The following SLC9A9 variants were observed in gnomAD, a reference collection of about 807,000 sequenced individuals.
SLC9A9 encodes sodium/hydrogen exchanger 9.
In SLC9A9, 62 loss-of-function variants were observed where a neutral mutation model predicts 77.8. The observed-to-expected ratio is 0.80, with a 90% CI of 0.65 to 0.98. SLC9A9 has a LOEUF of 0.98. Among genes scored for constraint, SLC9A9 ranks in the 50% least tolerant of loss-of-function variants. The pLI is 0.00. For missense variants in SLC9A9, 775 were observed against 774.9 expected (o/e 1.00, Z 0.00); for synonymous variants, 320 against 283.5 (o/e 1.13, Z -1.29).
At chr3:143,801,867 G>A (rs531403714) in intron 2 of SLC9A9, among the ~76,000 whole-genome samples, 44 of 152,252 alleles carry the variant, frequency 2.9e-4, no homozygotes, top group Admixed American at 2.9e-3. Context: ...GCACCACCAT[G>A]CTGTTATATA....
chr3:143,517,786 G>A, intron 9 of SLC9A9: 1 of 1,598,938 alleles, frequency 6.3e-7, no homozygotes, highest in Non-Finnish European at 8.5e-7. Flanking sequence ...CATACAAAAT[G>A]GCCAAGCAAG....
intron 1 of SLC9A9, among the ~76,000 whole-genome samples, chr3:143,839,875 G>A (rs891848041): frequency 6.6e-6 from 1 of 152,148 alleles, no homozygotes; most frequent in Non-Finnish European, 1.5e-5. Flanking sequence ...TCTCGAACCA[G>A]AGATGGAGAC....
chr3:143,704,772 C>T (rs1474812424), intron 4 of SLC9A9, among the ~76,000 whole-genome samples: 1 of 152,044 alleles, frequency 6.6e-6, no homozygotes, highest in African/African-American at 2.4e-5. Flanking sequence ...GTGGGCAGAT[C>T]ACCTGAGGTT....
rs116442827 is a variant in SLC9A9, at chr3:143,832,641, T to C, written c.176-420A>G. The stretch of plus-strand genomic sequence containing the variant: ...CAGTTATCCCCATCAGACTTTATTA[T>C]GTCACACCCCATGGTTGGGGTGAGA... On this transcript the variant is annotated intron_variant, in intron 1 of 15. Transcript: ENST00000316549. 1.9e-3 allele frequency among the ~76,000 whole-genome samples: 291 copies of C among 152,204 alleles called. 1 individual carries two copies. Among genetic ancestry groups the C allele is most frequent in the African/African-American group, 6.7e-3 (279 of 41,530 alleles).
rs191059668 is a variant in SLC9A9, at chr3:143,418,793, G to C, written c.1470-36679C>G. On this transcript the variant is annotated intron_variant, in intron 12 of 15. Coordinates refer to ENST00000316549, the MANE Select transcript of SLC9A9 (RefSeq NM_173653.4). ...GAATTTAAAGTGAAAACAGAGGCTT[G>C]ATTGTGTGAATTTCTTCCAACATCC... Among the ~76,000 whole-genome samples, 96 of 152,288 alleles carry C rather than the reference G, an allele frequency of 6.3e-4. 1 individual carries two copies. Among genetic ancestry groups the C allele is most frequent in the African/African-American group, 2.1e-3 (89 of 41,570 alleles).
At chr3:143,355,694 G>A (rs753742517) in intron 14 of SLC9A9, among the ~76,000 whole-genome samples, 4 of 152,222 alleles carry the variant, frequency 2.6e-5, no homozygotes, top group Non-Finnish European at 5.9e-5. Context: ...TGACAGCTCT[G>A]TGGGAATTTC....
chr3:143,795,200 G>A (rs990920535), intron 3 of SLC9A9, 123 bp from the exon 4 acceptor site: 4 of 705,146 alleles, frequency 5.7e-6, no homozygotes, highest in Non-Finnish European at 9.5e-6. Context: ...TGGTTTTGGA[G>A]CCTCGTTCCT....
chr3:143,655,185 A>C (rs2038866735), intron 5 of SLC9A9, among the ~76,000 whole-genome samples: 1 of 152,208 alleles, frequency 6.6e-6, no homozygotes, highest in South Asian at 2.1e-4. Context: ...AACTCATTTA[A>C]TTAGCTCCCT....
chr3:143,795,612 A>C (rs907842505), intron 3 of SLC9A9, among the ~76,000 whole-genome samples: 3 of 152,182 alleles, frequency 2.0e-5, no homozygotes, highest in Non-Finnish European at 4.4e-5. Context: ...CACGCCTGTA[A>C]TTCCAGCAAT....
intron 4 of SLC9A9, among the ~76,000 whole-genome samples, chr3:143,717,402 G>T (rs1230808431): frequency 1.3e-5 from 2 of 152,192 alleles, no homozygotes; most frequent in Non-Finnish European, 2.9e-5. Flanking sequence ...GTTGAAAATT[G>T]GTTGTTGAGT....
At chr3:143,569,825 T>TG (rs1024334889) in intron 8 of SLC9A9, among the ~76,000 whole-genome samples, 3 of 151,090 alleles carry the variant, frequency 2.0e-5, no homozygotes, top group African/African-American at 7.3e-5. Context: ...TTTTTTTTTT[T>TG]TTTTTGGAGA....
chr3:143,846,123 A>G (rs543186923), intron 1 of SLC9A9, among the ~76,000 whole-genome samples: 1 of 152,364 alleles, frequency 6.6e-6, no homozygotes, highest in African/African-American at 2.4e-5. Context: ...AGTAAGAGTT[A>G]CTGTATGTAT....
In SLC9A9 at chr3:143,266,813, C is replaced by G; in HGVS notation, c.1827G>C (p.Gln609His). Reference protein sequence around the residue: ...CSPPARLGLDQKASPQTPGKE... With the variant: ...CSPPARLGLDHKASPQTPGKE... ...TGCCTGGCGTCTGGGGTGAAGCTTT[C>G]TGGTCCAGACCTAGCCTTGCAGGAG... Residue 609 changes from glutamine (Q) to histidine (H), a missense_variant, in exon 16 of 16, where the codon CAG (glutamine) becomes CAC (histidine). Gln to His is a conservative substitution (Grantham distance 24). Coordinates refer to ENST00000316549, the MANE Select transcript of SLC9A9 (RefSeq NM_173653.4). 2 of 1,614,158 alleles carry G rather than the reference C, an allele frequency of 1.2e-6. No homozygotes were observed. The highest frequency in any genetic ancestry group is 8.5e-7 in the Non-Finnish European group (1 of 1,180,024).
intron 14 of SLC9A9, among the ~76,000 whole-genome samples, chr3:143,279,545 T>C (rs959981794): frequency 1.3e-5 from 2 of 152,186 alleles, no homozygotes; most frequent in Non-Finnish European, 2.9e-5. Context: ...GTATTTCTCC[T>C]AATGCTATCC....
chr3:143,785,149 T>G (rs985344820), intron 4 of SLC9A9, among the ~76,000 whole-genome samples: 1 of 152,216 alleles, frequency 6.6e-6, no homozygotes, highest in Admixed American at 6.5e-5. Context: ...CCTTTTGCAA[T>G]GTGACATTAT....
At chr3:143,274,610 G>C (rs985253201) in intron 14 of SLC9A9, among the ~76,000 whole-genome samples, 2 of 152,170 alleles carry the variant, frequency 1.3e-5, no homozygotes, top group Non-Finnish European at 2.9e-5. Flanking sequence ...TGTACAAACT[G>C]TTGGTGTGAA....
intron 6 of SLC9A9, among the ~76,000 whole-genome samples, chr3:143,620,362 A>G (rs2038180125): frequency 6.6e-6 from 1 of 152,186 alleles, no homozygotes; most frequent in African/African-American, 2.4e-5. Context: ...TATGTAAATC[A>G]CTTATCAGTA....
intron 4 of SLC9A9, among the ~76,000 whole-genome samples, chr3:143,740,240 TGA>T (rs565684026): frequency 2.0e-5 from 3 of 151,812 alleles, no homozygotes; most frequent in Admixed American, 6.6e-5. Flanking sequence ...GACAAAAAAA[TGA>T]GAGAGAGAGA....
intron 4 of SLC9A9, among the ~76,000 whole-genome samples, chr3:143,764,232 T>C (rs1478141185): frequency 6.6e-6 from 1 of 152,176 alleles, no homozygotes; most frequent in African/African-American, 2.4e-5. Context: ...CTCTCTCAGT[T>C]ATGTCAAAGA....
Sources: gnomAD v4.1 joint callset for allele counts (sites outside exome capture counted in the v4.1 genomes callset) on GRCh38, gnomAD v4.1.1 for gene constraint, MANE v1.5 for transcripts, NCBI Gene and HGNC (gene_info 2026-07-23, HGNC 2026-07-21) for gene names.